KIAA1217: variants seen among roughly 807,000 people sequenced by gnomAD.
KIAA1217 encodes the protein KIAA1217, also known as sickle tail protein homolog.
A neutral mutation model predicts 163.9 loss-of-function variants in KIAA1217; 88 were observed. The ratio of observed to expected loss-of-function variants is 0.54; its 90% CI spans 0.45 to 0.64. The LOEUF (loss-of-function observed/expected upper bound fraction) is 0.64, where lower values mean the gene tolerates loss of function less well. Among genes scored for constraint, KIAA1217 ranks in the 30% least tolerant of loss-of-function variants. The probability of loss-of-function intolerance (pLI) is 0.00; values close to 1 mark genes in which losing one functional copy is unlikely to be tolerated. For missense variants in KIAA1217, 2,372 were observed against 2,475.0 expected (o/e 0.96, Z 0.88); for synonymous variants, 903 against 923.1 (o/e 0.98, Z 0.39).
chr10:24,289,994 G>C (rs1047830256), intron 2 of KIAA1217, among the ~76,000 whole-genome samples: 2 of 152,164 alleles, frequency 1.3e-5, no homozygotes, highest in African/African-American at 4.8e-5. Flanking sequence ...GAAGAGAATA[G>C]AGTTGAAGAT....
chr10:23,743,299 C>T (rs1276874859), intron 1 of KIAA1217, among the ~76,000 whole-genome samples: 1 of 151,796 alleles, frequency 6.6e-6, no homozygotes, highest in African/African-American at 2.4e-5. Context: ...TCGGTAATTC[C>T]ACCCAACACC....
chr10:24,128,315 G>T (rs1422872206), intron 2 of KIAA1217, among the ~76,000 whole-genome samples: 5 of 151,960 alleles, frequency 3.3e-5, no homozygotes, highest in Admixed American at 1.3e-4. Flanking sequence ...AGGATGCAAG[G>T]GTCAATAATC....
At chr10:23,813,491 G>T (rs1236198520) in intron 1 of KIAA1217, among the ~76,000 whole-genome samples, 1 of 151,508 alleles carries the variant, frequency 6.6e-6, no homozygotes, top group East Asian at 1.9e-4. Context: ...GTAATGGTTT[G>T]ATCCTGTTTT....
chr10:23,995,952 A>G (rs1846461368), intron 1 of KIAA1217, among the ~76,000 whole-genome samples: 1 of 152,172 alleles, frequency 6.6e-6, no homozygotes, highest in Non-Finnish European at 1.5e-5. Flanking sequence ...TCTCTTGAGT[A>G]AAATGGAAGC....
chr10:24,475,954 A>G (rs1057041123), intron 6 of KIAA1217, among the ~76,000 whole-genome samples: 7 of 152,058 alleles, frequency 4.6e-5, no homozygotes, highest in Non-Finnish European at 8.8e-5. Context: ...AATAAAGATA[A>G]TTTGTCTCCT....
intron 6 of KIAA1217, among the ~76,000 whole-genome samples, chr10:24,489,377 C>T (rs1251185983): frequency 6.6e-6 from 1 of 152,166 alleles, no homozygotes; most frequent in Non-Finnish European, 1.5e-5. Flanking sequence ...TGTAATATGT[C>T]TTCTGGAAAC....
At chr10:23,921,057 T>C (rs1014128425) in intron 1 of KIAA1217, among the ~76,000 whole-genome samples, 3 of 152,194 alleles carry the variant, frequency 2.0e-5, no homozygotes, top group Non-Finnish European at 4.4e-5. Flanking sequence ...TACCTCTTTT[T>C]CTTTATAAAT....
intron 1 of KIAA1217, among the ~76,000 whole-genome samples, chr10:23,750,967 C>CCTTCCCTTT (rs1467408068): frequency 2.3e-4 from 35 of 151,472 alleles, no homozygotes; most frequent in African/African-American, 7.5e-4. Context: ...CCCTCCCCTC[C>CCTTCCCTTT]CTTCCCTTTC....
At chr10:23,911,325 G>C (rs950697470) in intron 1 of KIAA1217, among the ~76,000 whole-genome samples, 13 of 152,112 alleles carry the variant, frequency 8.5e-5, no homozygotes, top group African/African-American at 3.1e-4. Flanking sequence ...GAGATACTAG[G>C]ATACCACCCA....
intron 6 of KIAA1217, among the ~76,000 whole-genome samples, chr10:24,480,353 C>T (rs2064522670): frequency 6.6e-6 from 1 of 152,236 alleles, no homozygotes. Context: ...GATAAAGCAA[C>T]TCATTATTGA....
intron 2 of KIAA1217, among the ~76,000 whole-genome samples, chr10:24,202,902 A>G (rs901127738): frequency 2.3e-4 from 35 of 152,340 alleles, no homozygotes; most frequent in African/African-American, 7.7e-4. Flanking sequence ...GAAAATAGGT[A>G]TACCGGGCCA....
intron 1 of KIAA1217, among the ~76,000 whole-genome samples, chr10:23,974,077 C>A (rs1404321779): frequency 6.6e-6 from 1 of 152,176 alleles, no homozygotes; most frequent in African/African-American, 2.4e-5. Context: ...GCATCTACCC[C>A]AGACTGAAAA....
intron 1 of KIAA1217, among the ~76,000 whole-genome samples, chr10:23,969,515 G>T (rs1437190490): frequency 6.6e-6 from 1 of 152,110 alleles, no homozygotes; most frequent in Non-Finnish European, 1.5e-5. Flanking sequence ...TTGTGATTTT[G>T]ATTTCCATTT....
chr10:23,903,685 A>G (rs1036627522), intron 1 of KIAA1217, among the ~76,000 whole-genome samples: 1 of 151,956 alleles, frequency 6.6e-6, no homozygotes, highest in Admixed American at 6.6e-5. Context: ...CTTTCAGGGG[A>G]AGTAGGTCAG....
intron 2 of KIAA1217, among the ~76,000 whole-genome samples, chr10:24,335,848 G>A (rs371586257): frequency 6.6e-6 from 1 of 152,308 alleles, no homozygotes; most frequent in African/African-American, 2.4e-5. Flanking sequence ...CTGGGCTCAA[G>A]CAGTCCTCCC....
chr10:24,513,437 G>A lies in KIAA1217; in HGVS notation c.2177+3G>A. On this transcript the variant is annotated splice_donor_region_variant and intron_variant, in intron 10 of 20. Coordinates refer to ENST00000376454, the MANE Select transcript of KIAA1217 (RefSeq NM_019590.5). ...GAGAAGATCGTCAAGAAGTTGTGGT[G>A]AGTGCCAGTCACTTGCATGTTGAGC... 1 of 1,613,654 alleles carries A rather than the reference G, an allele frequency of 6.2e-7. No homozygotes were observed. Among genetic ancestry groups the A allele is most frequent in the Non-Finnish European group, 8.5e-7 (1 of 1,179,642 alleles).
intron 1 of KIAA1217, among the ~76,000 whole-genome samples, chr10:23,799,522 A>C (rs1206289100): frequency 6.6e-6 from 1 of 152,188 alleles, no homozygotes; most frequent in Admixed American, 6.5e-5. Context: ...GCAGACTGTC[A>C]CGCTGCAGAA....
chr10:23,991,637 T>C (rs1183119125), intron 1 of KIAA1217, among the ~76,000 whole-genome samples: 1 of 152,204 alleles, frequency 6.6e-6, no homozygotes, highest in Non-Finnish European at 1.5e-5. Context: ...ATTCTATATC[T>C]AGATATTCAT....
chr10:23,967,874 A>G (rs1394198111), intron 1 of KIAA1217, among the ~76,000 whole-genome samples: 2 of 151,178 alleles, frequency 1.3e-5, no homozygotes, highest in African/African-American at 4.9e-5. Flanking sequence ...TAGTGTCTCA[A>G]GCAACTCACA....
Sources: gnomAD v4.1 joint callset for allele counts (sites outside exome capture counted in the v4.1 genomes callset) on GRCh38, gnomAD v4.1.1 for gene constraint, MANE v1.5 for transcripts, NCBI Gene and HGNC (gene_info 2026-07-23, HGNC 2026-07-21) for gene names.